The following MYO16 variants were observed in gnomAD, a reference collection of about 807,000 sequenced individuals.
MYO16 encodes myosin XVI.
In MYO16, 94 loss-of-function variants were observed where a neutral mutation model predicts 205.3. The observed-to-expected ratio is 0.46, with a 90% CI of 0.39 to 0.54. The LOEUF (loss-of-function observed/expected upper bound fraction) is 0.54, where lower values mean the gene tolerates loss of function less well. MYO16 is among the 20% of genes least tolerant of loss of function. MYO16 has a pLI of 0.00. For missense variants in MYO16, 2,315 were observed against 2,387.5 expected, an observed-to-expected ratio of 0.97 and a Z score of 0.63; for synonymous variants, 988 against 954.0, an observed-to-expected ratio of 1.04 and a Z score of -0.66.
intron 2 of MYO16, among the ~76,000 whole-genome samples, chr13:108,707,957 G>T (rs1388434497): frequency 2.0e-5 from 3 of 152,116 alleles, no homozygotes; most frequent in Non-Finnish European, 4.4e-5. Flanking sequence ...GGATTTTGGA[G>T]GACAAAAACT....
chr13:109,148,804 G>T (rs1877484082), intron 32 of MYO16, among the ~76,000 whole-genome samples: 2 of 152,192 alleles, frequency 1.3e-5, no homozygotes, highest in Non-Finnish European at 2.9e-5. Flanking sequence ...GAGAGAATCT[G>T]AGGGCCTTGC....
chr13:108,877,618 G>A (rs888163050), intron 12 of MYO16, among the ~76,000 whole-genome samples: 5 of 152,216 alleles, frequency 3.3e-5, no homozygotes, highest in African/African-American at 1.2e-4. Flanking sequence ...GAAATAGCAC[G>A]AGAGAGCTTT....
chr13:108,499,167 C>T, the MYO16 span, among the ~76,000 whole-genome samples: 1 of 152,106 alleles, frequency 6.6e-6, no homozygotes, highest in African/African-American at 2.4e-5. Flanking sequence ...TAAGCATGGA[C>T]TTTTTTTCAA....
At chr13:108,921,022 T>A (rs766798335) in intron 16 of MYO16, among the ~76,000 whole-genome samples, 5 of 152,224 alleles carry the variant, frequency 3.3e-5, no homozygotes, top group Non-Finnish European at 7.3e-5. Flanking sequence ...TCCACATGTG[T>A]GTGTGAACCT....
At chr13:108,851,555 AC>A (rs896870191) in intron 10 of MYO16, among the ~76,000 whole-genome samples, 3 of 152,134 alleles carry the variant, frequency 2.0e-5, no homozygotes, top group African/African-American at 7.2e-5. Flanking sequence ...GTGATCCTGG[AC>A]TGCGTAAAAA....
At chr13:108,724,511 T>C (rs867843957) in intron 3 of MYO16, among the ~76,000 whole-genome samples, 1 of 152,220 alleles carries the variant, frequency 6.6e-6, no homozygotes, top group Non-Finnish European at 1.5e-5. Flanking sequence ...TGGTTACTTA[T>C]ATGTTTGGTT....
At chr13:109,088,677 G>A (rs1888521097) in intron 27 of MYO16, among the ~76,000 whole-genome samples, 1 of 152,220 alleles carries the variant, frequency 6.6e-6, no homozygotes, top group African/African-American at 2.4e-5. Context: ...GAGAGGCGGC[G>A]GTTGCGGTGA....
At chr13:108,507,114 G>T in the MYO16 span, among the ~76,000 whole-genome samples, 1 of 152,086 alleles carries the variant, frequency 6.6e-6, no homozygotes, top group Non-Finnish European at 1.5e-5. Flanking sequence ...GTGAGCCACA[G>T]TTCTTAGCCA....
intron 11 of MYO16, 65 bp from the exon 12 acceptor site, chr13:108,866,112 G>T: frequency 9.9e-7 from 1 of 1,010,126 alleles, no homozygotes; most frequent in South Asian, 2.5e-5. Flanking sequence ...TAAATTGTAT[G>T]ATTTTTATTG....
At position 109,125,578 on chromosome 13, in the gene MYO16, G is replaced by A. The variant is rs896518357; in HGVS notation, c.3782+220G>A. ...GCTTTCTGTGTTCCTTCATTCATAT[G>A]TGATGATGACTGCCTCTCCTGCCAT... On this transcript the variant is annotated intron_variant, in intron 30 of 34. Coordinates refer to ENST00000457511, the MANE Select transcript of MYO16 (RefSeq NM_001198950.3). The surrounding 1 kb of genome is among the most constrained non-coding windows in gnomAD (Gnocchi z 4.0). Among the ~76,000 whole-genome samples the A allele has an allele frequency of 6.6e-6, 1 of 152,208 alleles. No homozygotes were observed. The highest frequency in any genetic ancestry group is 2.4e-5 in the African/African-American group (1 of 41,460).
intron 32 of MYO16, among the ~76,000 whole-genome samples, chr13:109,152,456 G>A (rs1877727814): frequency 6.6e-6 from 1 of 152,188 alleles, no homozygotes; most frequent in African/African-American, 2.4e-5. Context: ...TTGCAGCTTA[G>A]TAGGGGGTCG....
chr13:108,666,384 AT>A (rs200156824), intron 2 of MYO16, among the ~76,000 whole-genome samples: 7,023 of 148,462 alleles, frequency 0.047, 429 homozygotes, highest in East Asian at 0.15. Flanking sequence ...GTGAGATTGT[AT>A]TTTTTTTTTT....
intron 14 of MYO16, among the ~76,000 whole-genome samples, chr13:108,889,046 T>C (rs1880038795): frequency 6.6e-6 from 1 of 151,256 alleles, no homozygotes; most frequent in East Asian, 1.9e-4. Context: ...AGCAAAACTC[T>C]GTCTCAAAAA....
chr13:109,143,779 A>G (rs1381340765), intron 32 of MYO16, among the ~76,000 whole-genome samples: 1 of 152,254 alleles, frequency 6.6e-6, no homozygotes, highest in Admixed American at 6.5e-5. Context: ...ACATAGTTCA[A>G]CTATAATTAT....
upstream of MYO16, among the ~76,000 whole-genome samples, chr13:108,592,854 TA>T (rs372294652): frequency 5.2e-3 from 791 of 151,938 alleles, 12 homozygotes; most frequent in African/African-American, 0.018. Context: ...GCTTTCTAAT[TA>T]AAAAAACATT....
At chr13:108,650,111 T>C (rs1880933316) in intron 1 of MYO16, among the ~76,000 whole-genome samples, 1 of 152,026 alleles carries the variant, frequency 6.6e-6, no homozygotes, top group Non-Finnish European at 1.5e-5. Flanking sequence ...AAAAATTAAA[T>C]AGCAAATATT....
chr13:108,497,751 C>G, the MYO16 span, among the ~76,000 whole-genome samples: 1 of 152,114 alleles, frequency 6.6e-6, no homozygotes, highest in African/African-American at 2.4e-5. Flanking sequence ...CTCCTCCACC[C>G]CCCTGGCCTG....
At chr13:108,568,249 C>G in the MYO16 span, among the ~76,000 whole-genome samples, 1 of 152,032 alleles carries the variant, frequency 6.6e-6, no homozygotes, top group African/African-American at 2.4e-5. Flanking sequence ...ATGATAACTC[C>G]AATTTTAACA....
intron 1 of MYO16, among the ~76,000 whole-genome samples, chr13:108,611,089 G>A (rs1879157031): frequency 6.6e-6 from 1 of 152,152 alleles, no homozygotes; most frequent in Admixed American, 6.5e-5. Flanking sequence ...AAAATGATGT[G>A]TATTCTGCCT....
Sources: allele counts gnomAD v4.1 joint callset (sites outside exome capture counted in the v4.1 genomes callset), GRCh38; gene constraint gnomAD v4.1.1; non-coding constraint Gnocchi (gnomAD v3.1); transcripts MANE v1.5; gene names NCBI Gene and HGNC (gene_info 2026-07-23, HGNC 2026-07-21).